Variants in TMOD2 observed in about 807,000 individuals in gnomAD.
TMOD2 encodes the protein tropomodulin 2.
Under a neutral mutation model 39.9 loss-of-function variants are expected in TMOD2, and 22 were observed. That is an observed-to-expected ratio of 0.55 (90% CI 0.39 to 0.79). The LOEUF is 0.79. Ranked by LOEUF, TMOD2 falls within the 30% of genes least tolerant of loss-of-function variation. The pLI, the probability that TMOD2 is intolerant of heterozygous loss-of-function variation, is 0.00. For missense variants in TMOD2, 386 were observed against 413.3 expected, an observed-to-expected ratio of 0.93 and a Z score of 0.57; for synonymous variants, 123 against 146.1, an observed-to-expected ratio of 0.84 and a Z score of 1.14.
In TMOD2 at chr15:51,808,548, C is replaced by A; in HGVS notation, c.*94C>A. ...CCATCAGGACCATTTTATCAAAGTT[C>A]GTTCATTTCCGTTAACCACATAACT... On this transcript the variant is annotated 3_prime_UTR_variant, in exon 10 of 10. Transcript: ENST00000249700. The A allele has an allele frequency of 3.3e-6, 3 of 905,356 alleles. No individual in the cohort carries two copies. The highest frequency in any genetic ancestry group is 5.2e-6 in the Non-Finnish European group (3 of 582,162). 56.1% of individuals were successfully genotyped at this position (905,356 alleles called of 1,614,324 possible).
intron 8 of TMOD2, among the ~76,000 whole-genome samples, chr15:51,801,299 T>C (rs906267965): frequency 6.6e-6 from 1 of 151,150 alleles, no homozygotes; most frequent in African/African-American, 2.4e-5. Flanking sequence ...TCTCTCTCTC[T>C]CTCTCTCTCT....
intron 7 of TMOD2, among the ~76,000 whole-genome samples, chr15:51,797,410 GC>G (rs1289016232): frequency 6.6e-6 from 1 of 152,178 alleles, no homozygotes; most frequent in Non-Finnish European, 1.5e-5. Context: ...TTAAGGAATT[GC>G]CCCAAATGGG....
intron 2 of TMOD2, among the ~76,000 whole-genome samples, chr15:51,767,954 C>G (rs946428100): frequency 1.3e-5 from 2 of 152,218 alleles, no homozygotes; most frequent in Admixed American, 6.5e-5. Flanking sequence ...CTAGCCAAAC[C>G]TAAGCATGAT....
intron 3 of TMOD2, among the ~76,000 whole-genome samples, chr15:51,769,629 G>T (rs560546353): frequency 6.6e-6 from 1 of 152,300 alleles, no homozygotes; most frequent in South Asian, 2.1e-4. Context: ...GAGGAAGAGT[G>T]ACTATCAATA....
intron 5 of TMOD2, among the ~76,000 whole-genome samples, chr15:51,778,176 T>C (rs899205716): frequency 1.3e-5 from 2 of 151,910 alleles, no homozygotes; most frequent in Non-Finnish European, 2.9e-5. Context: ...GATGAGTTAA[T>C]GTCCTTTGTA....
At chr15:51,758,785 A>G (rs1011112314) in intron 1 of TMOD2, among the ~76,000 whole-genome samples, 2 of 152,178 alleles carry the variant, frequency 1.3e-5, no homozygotes, top group African/African-American at 2.4e-5. Context: ...TGAAGCTTGC[A>G]TGAGACCAGG....
intron 7 of TMOD2, among the ~76,000 whole-genome samples, chr15:51,790,164 T>A (rs915278483): frequency 6.6e-6 from 1 of 152,028 alleles, no homozygotes; most frequent in African/African-American, 2.4e-5. Context: ...TAAAAAATGA[T>A]AAAGGGGATA....
chr15:51,796,172 T>A (rs2056050326), intron 7 of TMOD2, among the ~76,000 whole-genome samples: 1 of 152,074 alleles, frequency 6.6e-6, no homozygotes, highest in Admixed American at 6.5e-5. Context: ...CCAACAGACC[T>A]CTCCCTTAAA....
At chr15:51,758,384 G>A (rs1370517496) in intron 1 of TMOD2, among the ~76,000 whole-genome samples, 1 of 152,136 alleles carries the variant, frequency 6.6e-6, no homozygotes, top group African/African-American at 2.4e-5. Flanking sequence ...ATGTCAAATT[G>A]GTGATGTAGG....
At position 51,808,855 on chromosome 15, in the gene TMOD2, A is replaced by T. The variant is rs2056138132; in HGVS notation, c.*401A>T. ...GAGGCCTATCTCTGTTTACATGCAT[A>T]GCTTTGAGTTAGGCTAAATACATCA... On this transcript the variant is annotated 3_prime_UTR_variant, in exon 10 of 10. Coordinates refer to ENST00000249700, the MANE Select transcript of TMOD2 (RefSeq NM_014548.4). 1 of 159,732 alleles carries T rather than the reference A, an allele frequency of 6.3e-6. No homozygotes were observed. The highest frequency in any genetic ancestry group is 1.4e-5 in the Non-Finnish European group (1 of 72,794). 9.9% of individuals were successfully genotyped at this position (159,732 alleles called of 1,614,324 possible). A position where few individuals can be genotyped will look rare whatever the true frequency, so the allele number is the denominator to read the frequency against.
intron 7 of TMOD2, among the ~76,000 whole-genome samples, chr15:51,791,986 G>A (rs925709778): frequency 1.3e-5 from 2 of 151,914 alleles, no homozygotes; most frequent in Admixed American, 6.6e-5. Context: ...CAATGGCAAC[G>A]CAACAAAAGC....
At chr15:51,791,600 A>C (rs2056012512) in intron 7 of TMOD2, among the ~76,000 whole-genome samples, 1 of 152,222 alleles carries the variant, frequency 6.6e-6, no homozygotes, top group Admixed American at 6.5e-5. Context: ...ACCTGACTTC[A>C]AACTTTACTA....
At chr15:51,777,226 AG>A (rs2055895845) in intron 5 of TMOD2, among the ~76,000 whole-genome samples, 1 of 152,206 alleles carries the variant, frequency 6.6e-6, no homozygotes, top group African/African-American at 2.4e-5. Flanking sequence ...TGTGTTGCCC[AG>A]AACACTTTCT....
chr15:51,796,533 T>C (rs150315779), intron 7 of TMOD2, among the ~76,000 whole-genome samples: 207 of 151,848 alleles, frequency 1.4e-3, no homozygotes, highest in African/African-American at 4.8e-3. Context: ...TCTGCAGAGG[T>C]TTCAGTGGAT....
At chr15:51,760,144 G>A (rs1197925089) in intron 1 of TMOD2, among the ~76,000 whole-genome samples, 1 of 152,226 alleles carries the variant, frequency 6.6e-6, no homozygotes, top group Non-Finnish European at 1.5e-5. Flanking sequence ...GGAAGTATTT[G>A]GGTAAGAGGG....
At chr15:51,779,061 A>G (rs964836330) in intron 5 of TMOD2, among the ~76,000 whole-genome samples, 1 of 151,552 alleles carries the variant, frequency 6.6e-6, no homozygotes. Context: ...GACTCAAGCA[A>G]TCCTTCCACT....
At chr15:51,765,238 T>C (rs2055808640) in intron 1 of TMOD2, among the ~76,000 whole-genome samples, 1 of 152,202 alleles carries the variant, frequency 6.6e-6, no homozygotes, top group African/African-American at 2.4e-5. Flanking sequence ...TGACCTCAGG[T>C]GATCCACCTG....
At chr15:51,786,865 G>A in intron 7 of TMOD2, among the ~76,000 whole-genome samples, 1 of 152,242 alleles carries the variant, frequency 6.6e-6, no homozygotes, top group East Asian at 1.9e-4. Context: ...TCACTTCCAA[G>A]ATGGCCAAAT....
In TMOD2 at chr15:51,812,647, T is replaced by A. The variant is rs2056163423; in HGVS notation, c.*4193T>A. Reference sequence around the variant, plus strand: ...AAGATCCCATATTTAATTCAAGTATTTATAGCATCAGCAAAAATGGGCAGA... The same window carrying A: ...AAGATCCCATATTTAATTCAAGTATATATAGCATCAGCAAAAATGGGCAGA... On this transcript the variant is annotated 3_prime_UTR_variant, in exon 10 of 10. Transcript: ENST00000249700. 6.6e-6 allele frequency: 1 copy of A among 152,192 alleles called. No homozygotes were observed. The highest frequency in any genetic ancestry group is 1.5e-5 in the Non-Finnish European group (1 of 68,046). The allele number at this position is 152,192 out of a possible 1,614,324, so 9.4% of individuals were successfully genotyped here.
Sources: gnomAD v4.1 joint callset for allele counts (sites outside exome capture counted in the v4.1 genomes callset) on GRCh38, gnomAD v4.1.1 for gene constraint, MANE v1.5 for transcripts, NCBI Gene and HGNC (gene_info 2026-07-23, HGNC 2026-07-21) for gene names.